ADAMTS3: variants seen among roughly 807,000 people sequenced by gnomAD.
The protein encoded by ADAMTS3 is ADAM metallopeptidase with thrombospondin type 1 motif 3.
A neutral mutation model predicts 129.0 loss-of-function variants in ADAMTS3; 73 were observed. That is an observed-to-expected ratio of 0.57 (90% CI 0.47 to 0.69). The LOEUF (loss-of-function observed/expected upper bound fraction) is 0.69. ADAMTS3 is among the 30% of genes least tolerant of loss of function. The pLI is 0.00. For missense variants in ADAMTS3, 1,457 were observed against 1,514.5 expected (o/e 0.96, Z 0.63); for synonymous variants, 477 against 510.8 (o/e 0.93, Z 0.89).
At chr4:72,362,648 A>ATGACTGAC (rs1465992737) in intron 4 of ADAMTS3, among the ~76,000 whole-genome samples, 1 of 152,138 alleles carries the variant, frequency 6.6e-6, no homozygotes, top group Admixed American at 6.5e-5. Flanking sequence ...ATTTCTAGTG[A>ATGACTGAC]TGACTGACAC....
Position 72,511,517 on chromosome 4 carries a change from C to T in ADAMTS3, c.504+36961G>A, listed in dbSNP as rs113955218. ...TGGCAAACGGACATACGAAAACGTG[C>T]TCAACATCACTGATCATCAGAGAAA... On this transcript the variant is annotated intron_variant, in intron 3 of 21. Coordinates refer to ENST00000286657, the MANE Select transcript of ADAMTS3 (RefSeq NM_014243.3). 4.1e-3 allele frequency among the ~76,000 whole-genome samples: 629 copies of T among 152,288 alleles called. 5 individuals are homozygous for T. The highest frequency in any genetic ancestry group is 0.014 in the African/African-American group (597 of 41,556).
rs575199199 is a variant in ADAMTS3, at chr4:72,413,313, A to C, written c.661+1502T>G. Among the ~76,000 whole-genome samples, 3 of 152,116 alleles carry C rather than the reference A, an allele frequency of 2.0e-5. No homozygotes were observed. In the East Asian group the frequency reaches 5.8e-4, roughly 29 times the overall value. On this transcript the variant is annotated intron_variant, in intron 4 of 21. Transcript: ENST00000286657. ...CCTATGCGTTCCTAAAAAATATTTAACCATTGCTTTGAAAGAGGTATTAGG... is the reference window on the plus strand; with the variant it reads ...CCTATGCGTTCCTAAAAAATATTTACCCATTGCTTTGAAAGAGGTATTAGG...
intron 2 of ADAMTS3, among the ~76,000 whole-genome samples, chr4:72,565,747 C>T (rs12645174): frequency 0.42 from 63,742 of 152,024 alleles, 13,805 homozygotes; most frequent in South Asian, 0.61. Context: ...AATTTAAGGA[C>T]ACCTGTACTA....
chr4:72,321,752 T>C (rs1480625392), intron 6 of ADAMTS3, among the ~76,000 whole-genome samples: 1 of 152,168 alleles, frequency 6.6e-6, no homozygotes, highest in Non-Finnish European at 1.5e-5. Flanking sequence ...CATCAAATTA[T>C]ATTAACTTTA....
At chr4:72,394,550 A>C (rs2109897702) in intron 4 of ADAMTS3, among the ~76,000 whole-genome samples, 1 of 152,350 alleles carries the variant, frequency 6.6e-6, no homozygotes, top group South Asian at 2.1e-4. Context: ...CTGTTGGCTG[A>C]GATAATGAAG....
At chr4:72,455,521 T>G (rs956180823) in intron 3 of ADAMTS3, among the ~76,000 whole-genome samples, 2 of 150,326 alleles carry the variant, frequency 1.3e-5, no homozygotes, top group South Asian at 4.2e-4. Context: ...ATACCTAATG[T>G]AGATGATGGG....
intron 4 of ADAMTS3, among the ~76,000 whole-genome samples, chr4:72,372,733 G>T (rs1002388722): frequency 1.8e-4 from 28 of 151,650 alleles, no homozygotes; most frequent in Admixed American, 6.6e-4. Flanking sequence ...CAGATAACTA[G>T]GAATATAGCT....
intron 3 of ADAMTS3, among the ~76,000 whole-genome samples, chr4:72,528,288 C>G (rs891768829): frequency 6.6e-6 from 1 of 151,310 alleles, no homozygotes; most frequent in Non-Finnish European, 1.5e-5. Flanking sequence ...TTAAGAGACA[C>G]ACTATATATC....
intron 3 of ADAMTS3, among the ~76,000 whole-genome samples, chr4:72,480,936 T>G (rs947106198): frequency 3.3e-5 from 5 of 151,860 alleles, no homozygotes; most frequent in Admixed American, 2.0e-4. Flanking sequence ...TGGGAAGAAT[T>G]TAAAATGCAG....
At chr4:72,514,984 G>A (rs551170182) in intron 3 of ADAMTS3, among the ~76,000 whole-genome samples, 3 of 151,354 alleles carry the variant, frequency 2.0e-5, no homozygotes, top group South Asian at 2.1e-4. Flanking sequence ...ATCCCTCCCC[G>A]CTACCCCCAC....
chr4:72,410,413 A>C (rs2109920445), intron 4 of ADAMTS3, among the ~76,000 whole-genome samples: 1 of 152,268 alleles, frequency 6.6e-6, no homozygotes, highest in Non-Finnish European at 1.5e-5. Context: ...TCCTGAAAGG[A>C]AGCTAGGAGA....
In ADAMTS3 at chr4:72,360,349, C is replaced by T. The variant is rs956192345; in HGVS notation, c.662-20656G>A. On this transcript the variant is annotated intron_variant, in intron 4 of 21. Coordinates refer to ENST00000286657, the MANE Select transcript of ADAMTS3 (RefSeq NM_014243.3). ...CACAAATTCTCGACCTGAATGCCTA[C>T]GGTCTCATAAAATTCTACAATAATT... is the stretch of plus-strand genomic sequence containing the variant. 2.6e-5 allele frequency among the ~76,000 whole-genome samples: 4 copies of T among 151,926 alleles called. No individual in the cohort carries two copies. In the East Asian group the frequency reaches 5.8e-4, roughly 22 times the overall value.
At chr4:72,407,216 T>C (rs1279671533) in intron 4 of ADAMTS3, among the ~76,000 whole-genome samples, 4 of 152,106 alleles carry the variant, frequency 2.6e-5, no homozygotes, top group Non-Finnish European at 5.9e-5. Flanking sequence ...TATCTTCATA[T>C]ATTCCCATAC....
chr4:72,307,747 T>C (rs889714912), intron 15 of ADAMTS3, among the ~76,000 whole-genome samples: 5 of 152,042 alleles, frequency 3.3e-5, no homozygotes, highest in Non-Finnish European at 7.4e-5. Flanking sequence ...CAGATTTCAT[T>C]TTCCAGCAAC....
chr4:72,483,846 G>A (rs903566110), intron 3 of ADAMTS3, among the ~76,000 whole-genome samples: 1 of 151,764 alleles, frequency 6.6e-6, no homozygotes, highest in Non-Finnish European at 1.5e-5. Context: ...GTGAAACCCC[G>A]TCTCTACTAA....
intron 16 of ADAMTS3, among the ~76,000 whole-genome samples, chr4:72,305,131 T>C (rs1467695250): frequency 1.3e-5 from 2 of 152,098 alleles, no homozygotes; most frequent in Admixed American, 6.6e-5. Context: ...AGTGTTCTTA[T>C]AGGCCAAGGA....
chr4:72,340,809 T>C (rs1425307523), intron 4 of ADAMTS3, among the ~76,000 whole-genome samples: 2 of 152,208 alleles, frequency 1.3e-5, no homozygotes, highest in African/African-American at 4.8e-5. Flanking sequence ...ATCTATCATT[T>C]GGATTAAAAT....
intron 4 of ADAMTS3, among the ~76,000 whole-genome samples, chr4:72,386,481 T>G (rs1384424885): frequency 1.3e-5 from 2 of 152,188 alleles, no homozygotes. Context: ...TCTCTTTTTT[T>G]TAAAGTAACT....
At chr4:72,335,384 T>G (rs765709175) in intron 5 of ADAMTS3, among the ~76,000 whole-genome samples, 2 of 152,166 alleles carry the variant, frequency 1.3e-5, no homozygotes, top group Non-Finnish European at 2.9e-5. Flanking sequence ...AGATTAAATA[T>G]ATTTGTATCC....
Sources: gnomAD v4.1 joint callset for allele counts (sites outside exome capture counted in the v4.1 genomes callset) on GRCh38, gnomAD v4.1.1 for gene constraint, MANE v1.5 for transcripts, NCBI Gene and HGNC (gene_info 2026-07-23, HGNC 2026-07-21) for gene names.